The following CTNNA2 variants were observed in gnomAD, a reference collection of about 807,000 sequenced individuals.
The protein encoded by CTNNA2 is catenin alpha 2, also known as catenin alpha-2.
Under a neutral mutation model 101.0 loss-of-function variants are expected in CTNNA2, and 42 were observed. That is an observed-to-expected ratio of 0.42 (90% confidence interval 0.32 to 0.54). The LOEUF (loss-of-function observed/expected upper bound fraction) is 0.54. CTNNA2 is among the 20% of genes least tolerant of loss of function. The pLI is 0.14. For synonymous variants in CTNNA2, 450 were observed against 456.4 expected (o/e 0.99, Z 0.18); for missense variants, 871 against 1,223.1 (o/e 0.71, Z 4.29).
intron 7 of CTNNA2, among the ~76,000 whole-genome samples, chr2:80,375,057 G>A (rs1675813229): frequency 6.6e-6 from 1 of 152,172 alleles, no homozygotes; most frequent in Non-Finnish European, 1.5e-5. Context: ...CCCCAGGCGA[G>A]CACAGATGGA....
chr2:80,491,612 A>G (rs964688075), intron 9 of CTNNA2, among the ~76,000 whole-genome samples: 5 of 152,220 alleles, frequency 3.3e-5, no homozygotes, highest in South Asian at 4.1e-4. Flanking sequence ...ATAAGAGGCA[A>G]TTAGCTTTCC....
chr2:79,216,051 G>T (rs1359235184), intron 2 of CTNNA2, among the ~76,000 whole-genome samples: 1 of 152,058 alleles, frequency 6.6e-6, no homozygotes, highest in African/African-American at 2.4e-5. Flanking sequence ...GTAAAAGAAT[G>T]CCTGGACGTC....
chr2:79,949,403 G>T (rs1302263710), intron 7 of CTNNA2, among the ~76,000 whole-genome samples: 4 of 152,152 alleles, frequency 2.6e-5, no homozygotes, highest in Non-Finnish European at 5.9e-5. Flanking sequence ...TATGTTATGT[G>T]GAAGACCATT....
intron 2 of CTNNA2, among the ~76,000 whole-genome samples, chr2:79,294,413 C>T (rs1374019070): frequency 2.0e-5 from 3 of 152,086 alleles, no homozygotes; most frequent in Non-Finnish European, 2.9e-5. Flanking sequence ...GTCCTATCTG[C>T]AAATACAGCC....
intron 1 of CTNNA2, among the ~76,000 whole-genome samples, chr2:79,643,804 G>C (rs1450803428): frequency 6.6e-6 from 1 of 151,990 alleles, no homozygotes; most frequent in Non-Finnish European, 1.5e-5. Context: ...GGTGGTTGTG[G>C]AACTGAGACC....
At chr2:80,558,443 GGTGTGTGTGTGTGTGTATATATGT>G (rs1471767438) in intron 12 of CTNNA2, among the ~76,000 whole-genome samples, 8 of 147,586 alleles carry the variant, frequency 5.4e-5, no homozygotes, top group African/African-American at 2.0e-4. Context: ...AAGTTTTGTT[GGTGTGTGTGTGTGTGTATATATGT>G]GTGTGTGTGT....
chr2:79,384,072 A>G (rs774257774), intron 4 of CTNNA2, among the ~76,000 whole-genome samples: 11 of 152,224 alleles, frequency 7.2e-5, no homozygotes, highest in Non-Finnish European at 1.0e-4. Context: ...GGAAACATTT[A>G]GCAACCAAGA....
rs575017170 is a variant in CTNNA2 at position 80,630,292 on chromosome 2, C to A, written c.2574+11064C>A. On this transcript the variant is annotated intron_variant, in intron 18 of 18. Transcript: ENST00000402739. ...GAAGTTAAAACAATTGTTTTCCTAC[C>A]GCTTTTTTAGAAAACCTTTTCATAT... Among the ~76,000 whole-genome samples the A allele has an allele frequency of 7.2e-5, 11 of 152,208 alleles. No individual in the cohort carries two copies. The South Asian group carries it at 2.3e-3, about 32-fold the overall frequency.
chr2:80,239,636 G>A (rs942244915), intron 7 of CTNNA2, among the ~76,000 whole-genome samples: 4 of 152,066 alleles, frequency 2.6e-5, no homozygotes, highest in African/African-American at 4.8e-5. Context: ...TTATGGCCTG[G>A]CGTGGTGGCT....
intron 4 of CTNNA2, among the ~76,000 whole-genome samples, chr2:79,476,520 T>C (rs1671053112): frequency 6.6e-6 from 1 of 152,160 alleles, no homozygotes; most frequent in Non-Finnish European, 1.5e-5. Context: ...GATATATAAA[T>C]GTAGATGGCA....
intron 7 of CTNNA2, among the ~76,000 whole-genome samples, chr2:80,264,496 C>T (rs952232847): frequency 6.6e-5 from 10 of 152,118 alleles, no homozygotes; most frequent in African/African-American, 2.4e-4. Context: ...TTGATTTTGA[C>T]TGCATTATTC....
intron 3 of CTNNA2, among the ~76,000 whole-genome samples, chr2:79,752,721 A>G (rs1216930151): frequency 6.6e-6 from 1 of 152,176 alleles, no homozygotes; most frequent in Non-Finnish European, 1.5e-5. Flanking sequence ...GCATTAGAAG[A>G]TCGTCACAGA....
chr2:79,505,992 G>T (rs1245826808), intron 5 of CTNNA2, among the ~76,000 whole-genome samples: 2 of 152,174 alleles, frequency 1.3e-5, no homozygotes, highest in Non-Finnish European at 2.9e-5. Context: ...AGTTTAACAA[G>T]ATTGGGTTTG....
At chr2:80,583,972 C>T (rs989687345) in intron 14 of CTNNA2, among the ~76,000 whole-genome samples, 58 of 152,146 alleles carry the variant, frequency 3.8e-4, no homozygotes, top group African/African-American at 1.3e-3. Flanking sequence ...GTGGTCTGTA[C>T]GATTAAGTTG....
chr2:79,631,202 T>G (rs1679669509), intron 1 of CTNNA2, among the ~76,000 whole-genome samples: 1 of 152,238 alleles, frequency 6.6e-6, no homozygotes. Context: ...GAACGCCTTA[T>G]GTGGTAACTC....
At position 79,865,857 on chromosome 2, in the gene CTNNA2, C is replaced by G. The variant is rs555686180; in HGVS notation, c.466-3959C>G. ...GCCTCAGCCTCCTGAGTAGCTGGGA[C>G]TATAGGCACCCACCACCACGCCTGG... On this transcript the variant is annotated intron_variant, in intron 4 of 18. Transcript: ENST00000402739. 2.0e-5 allele frequency among the ~76,000 whole-genome samples: 3 copies of G among 152,298 alleles called. No individual in the cohort carries two copies. In the South Asian group the frequency reaches 6.2e-4, roughly 32 times the overall value.
chr2:80,464,804 C>A (rs1684722674), intron 9 of CTNNA2, among the ~76,000 whole-genome samples: 1 of 152,014 alleles, frequency 6.6e-6, no homozygotes, highest in Non-Finnish European at 1.5e-5. Context: ...GGTACTAGTA[C>A]AAATCTCATA....
intron 2 of CTNNA2, among the ~76,000 whole-genome samples, chr2:79,216,234 TGAA>T (rs1674256295): frequency 6.6e-6 from 1 of 151,822 alleles, no homozygotes; most frequent in South Asian, 2.1e-4. Flanking sequence ...AGGTGTGAGT[TGAA>T]GAGGTTTTAG....
chr2:79,575,372 C>G (rs540741365), intron 1 of CTNNA2: 1 of 152,292 alleles, frequency 6.6e-6, no homozygotes, highest in South Asian at 2.1e-4. Context: ...CCTTGGGTGA[C>G]AGGATGTCAA....
Sources: gnomAD v4.1 joint callset for allele counts (sites outside exome capture counted in the v4.1 genomes callset) on GRCh38, gnomAD v4.1.1 for gene constraint, MANE v1.5 for transcripts, NCBI Gene and HGNC (gene_info 2026-07-23, HGNC 2026-07-21) for gene names.